EYS: variants seen among roughly 807,000 people sequenced by gnomAD.
EYS encodes the protein EGF-like photoreceptor maintenance factor, also known as protein eyes shut homolog.
In EYS, 250 loss-of-function variants were observed where a neutral mutation model predicts 282.1. The ratio of observed to expected loss-of-function variants is 0.89; its 90% confidence interval spans 0.80 to 0.98. EYS has a LOEUF of 0.98. Ranked by LOEUF, EYS falls within the 50% of genes least tolerant of loss-of-function variation. EYS has a pLI of 0.00. For missense variants in EYS, 4,016 were observed against 3,709.0 expected (o/e 1.08, Z -2.15); for synonymous variants, 1,355 against 1,282.9 (o/e 1.06, Z -1.20).
At chr6:64,736,534 G>A (rs1772187821) in intron 22 of EYS, among the ~76,000 whole-genome samples, 1 of 152,116 alleles carries the variant, frequency 6.6e-6, no homozygotes, top group African/African-American at 2.4e-5. Flanking sequence ...AATCATTACA[G>A]AGTATTGGTT....
At chr6:64,147,010 T>G (rs1023531661) in intron 31 of EYS, among the ~76,000 whole-genome samples, 1 of 152,182 alleles carries the variant, frequency 6.6e-6, no homozygotes, top group Non-Finnish European at 1.5e-5. Flanking sequence ...TGCATTTGTC[T>G]GATGCCAAAG....
intron 19 of EYS, among the ~76,000 whole-genome samples, chr6:64,835,639 G>C (rs1323190063): frequency 6.6e-6 from 1 of 151,620 alleles, no homozygotes; most frequent in East Asian, 1.9e-4. Flanking sequence ...AGCAAACATA[G>C]CCACAGGATA....
intron 26 of EYS, among the ~76,000 whole-genome samples, chr6:64,546,219 A>G (rs1269453288): frequency 2.0e-5 from 3 of 152,184 alleles, no homozygotes; most frequent in Non-Finnish European, 2.9e-5. Flanking sequence ...ATAAGGCCGC[A>G]TATCTACAAC....
At chr6:64,809,223 T>G (rs2150013250) in intron 22 of EYS, among the ~76,000 whole-genome samples, 1 of 152,174 alleles carries the variant, frequency 6.6e-6, no homozygotes, top group South Asian at 2.1e-4. Context: ...ACTGACACAC[T>G]GAGTCAACTT....
At chr6:64,031,667 C>T (rs1468964982) in intron 33 of EYS, among the ~76,000 whole-genome samples, 2 of 152,094 alleles carry the variant, frequency 1.3e-5, no homozygotes, top group Non-Finnish European at 2.9e-5. Context: ...GTGTCTAGCT[C>T]AGGGTTTGTG....
chr6:63,932,514 C>G (rs1017566885), intron 35 of EYS, among the ~76,000 whole-genome samples: 1 of 152,192 alleles, frequency 6.6e-6, no homozygotes, highest in African/African-American at 2.4e-5. Context: ...TCCTCTGGCA[C>G]TCCTCCTTCA....
chr6:64,792,483 T>C (rs1774221630), intron 22 of EYS, among the ~76,000 whole-genome samples: 1 of 152,036 alleles, frequency 6.6e-6, no homozygotes, highest in African/African-American at 2.4e-5. Flanking sequence ...CTGTGACAGT[T>C]AGTTGCTACC....
intron 19 of EYS, among the ~76,000 whole-genome samples, chr6:64,849,919 A>G (rs1289561282): frequency 6.6e-6 from 1 of 151,590 alleles, no homozygotes; most frequent in African/African-American, 2.4e-5. Flanking sequence ...CCCCTTTTTT[A>G]TATAATAATT....
intron 2 of EYS, among the ~76,000 whole-genome samples, chr6:65,593,143 C>T (rs191267315): frequency 1.3e-5 from 2 of 152,016 alleles, no homozygotes; most frequent in Non-Finnish European, 2.9e-5. Context: ...ATTAAAGATG[C>T]ACCTTATTAA....
At chr6:64,291,513 T>C (rs1008639845) in intron 30 of EYS, among the ~76,000 whole-genome samples, 2 of 152,198 alleles carry the variant, frequency 1.3e-5, no homozygotes, top group Non-Finnish European at 2.9e-5. Flanking sequence ...TAGCTTTCAA[T>C]TGTCAAGTAA....
At chr6:64,077,758 T>G (rs1448905272) in intron 32 of EYS, among the ~76,000 whole-genome samples, 1 of 152,018 alleles carries the variant, frequency 6.6e-6, no homozygotes, top group Non-Finnish European at 1.5e-5. Context: ...GCCTCCTGAT[T>G]GATACTGCTT....
At position 63,727,725 on chromosome 6, in the gene EYS, A is replaced by T. The variant is rs1157331654; in HGVS notation, c.8072-1045T>A. On this transcript the variant is annotated intron_variant, in intron 41 of 42. Coordinates refer to ENST00000503581, the MANE Select transcript of EYS (RefSeq NM_001142800.2). ...ATCTCTCAAAAAAAAAAAAAAAAAAAAAAAAAAAAAAAATATATATATATA... is the reference window on the plus strand; with the variant it reads ...ATCTCTCAAAAAAAAAAAAAAAAAATAAAAAAAAAAAAATATATATATATA... 3.4e-3 allele frequency among the ~76,000 whole-genome samples: 212 copies of T among 62,656 alleles called. 5 individuals carry two copies. Among genetic ancestry groups the T allele is most frequent in the African/African-American group, 0.016 (131 of 8,002 alleles). The allele number at this position is 62,656 out of a possible 152,430, so 41.1% of individuals were successfully genotyped here. A position where few individuals can be genotyped will look rare whatever the true frequency, so the allele number is the denominator to read the frequency against.
At chr6:65,537,240 T>A (rs1767993931) in intron 2 of EYS, among the ~76,000 whole-genome samples, 1 of 152,100 alleles carries the variant, frequency 6.6e-6, no homozygotes, top group Non-Finnish European at 1.5e-5. Context: ...GAGAAATACC[T>A]AATGTAGATG....
At chr6:64,391,770 T>A (rs2150428017) in intron 28 of EYS, among the ~76,000 whole-genome samples, 1 of 152,164 alleles carries the variant, frequency 6.6e-6, no homozygotes, top group East Asian at 1.9e-4. Context: ...AATTCACACA[T>A]AATAATATTA....
At chr6:65,063,739 T>G (rs371667363) in intron 12 of EYS, among the ~76,000 whole-genome samples, 1 of 152,160 alleles carries the variant, frequency 6.6e-6, no homozygotes. Flanking sequence ...ATTCAAATTT[T>G]TTTCTTCCCA....
intron 22 of EYS, among the ~76,000 whole-genome samples, chr6:64,780,992 T>C (rs184362110): frequency 3.0e-4 from 46 of 152,262 alleles, no homozygotes; most frequent in African/African-American, 9.1e-4. Context: ...TCACAGTTGA[T>C]TTGTAAAATT....
intron 26 of EYS, among the ~76,000 whole-genome samples, chr6:64,481,541 T>C (rs116736916): frequency 0.016 from 2,471 of 151,468 alleles, 23 homozygotes; most frequent in South Asian, 0.035. Context: ...TACACATATA[T>C]ACATACTTAA....
At chr6:64,581,140 A>C (rs993704285) in intron 26 of EYS, among the ~76,000 whole-genome samples, 1 of 152,178 alleles carries the variant, frequency 6.6e-6, no homozygotes, top group Non-Finnish European at 1.5e-5. Flanking sequence ...GGAATAAAGG[A>C]ATAAGAATTG....
At position 63,721,787 on chromosome 6, in the gene EYS, TA is replaced by T. The variant is rs1240944758; in HGVS notation, c.8243del (p.Leu2748TyrfsTer5). On this transcript the variant is annotated frameshift_variant, in exon 43 of 43. Coordinates refer to ENST00000503581, the MANE Select transcript of EYS (RefSeq NM_001142800.2). LOFTEE classifies it low-confidence loss of function (END_TRUNC). ...CGGAACTATTTACTAAAGAGATGCATAAAAAATCACCTGCAAGAAAGCAAAC... is the reference window on the plus strand; with the variant it reads ...CGGAACTATTTACTAAAGAGATGCATAAAAATCACCTGCAAGAAAGCAAAC... ...QHLKAQSGDF[L>X]CISLVNSSVQ... is the part of the protein sequence containing the mutation. 1 of 1,540,606 alleles carries T rather than the reference TA, an allele frequency of 6.5e-7. No individual in the cohort carries two copies. Among genetic ancestry groups the T allele is most frequent in the East Asian group, 2.5e-5 (1 of 40,812 alleles).
Sources: gnomAD v4.1 joint callset for allele counts (sites outside exome capture counted in the v4.1 genomes callset) on GRCh38, gnomAD v4.1.1 for gene constraint, MANE v1.5 for transcripts, NCBI Gene and HGNC (gene_info 2026-07-23, HGNC 2026-07-21) for gene names.